CEP41: variants seen among roughly 807,000 people sequenced by gnomAD.
CEP41 encodes centrosomal protein 41.
In CEP41, 32 loss-of-function variants were observed where a neutral mutation model predicts 44.3. That is an observed-to-expected ratio of 0.72 (90% CI 0.54 to 0.97). The LOEUF is 0.97. Ranked by LOEUF, CEP41 falls within the 50% of genes least tolerant of loss-of-function variation. The pLI, the probability that CEP41 is intolerant of heterozygous loss-of-function variation, is 0.00. For missense variants in CEP41, 432 were observed against 455.2 expected (o/e 0.95, Z 0.46); for synonymous variants, 151 against 168.5 (o/e 0.90, Z 0.80).
rs545406161 is a variant in CEP41, at chr7:130,400,786, G to C, written c.678C>G (p.Asp226Glu). 6.2e-7 allele frequency: 1 copy of C among 1,612,854 alleles called. No individual in the cohort carries two copies. The highest frequency in any genetic ancestry group is 1.7e-4 in the Middle Eastern group (1 of 6,060). ...CCTGACTGGCCAGCCTTTCATCATC[G>C]TCATACAGAATGATGATCTTGCCAT... is the stretch of plus-strand genomic sequence containing the variant. The part of the protein sequence containing the change: ...NAHGKIIILY[D>E]DDERLASQAA... Residue 226 changes from aspartate (D) to glutamate (E), a missense_variant, in exon 9 of 11, where the codon GAC (aspartate) becomes GAG (glutamate). By Grantham distance (45) the Asp-to-Glu change is conservative. Coordinates refer to ENST00000223208, the MANE Select transcript of CEP41 (RefSeq NM_018718.3).
Position 130,398,879 on chromosome 7 carries a change from G to T in CEP41, c.*12C>A. 1 of 1,614,124 alleles carries T rather than the reference G, an allele frequency of 6.2e-7. No individual in the cohort carries two copies. Among genetic ancestry groups the T allele is most frequent in the Non-Finnish European group, 8.5e-7 (1 of 1,179,934 alleles). ...AGGAAGAACATTTATTTGCCTAAGT[G>T]AGACAAAGTCTTTACTTCCAGGGTT... On this transcript the variant is annotated 3_prime_UTR_variant, in exon 11 of 11. Transcript: ENST00000223208.
intron 8 of CEP41, 89 bp from the exon 9 acceptor site, chr7:130,400,910 C>A: frequency 1.2e-6 from 1 of 846,832 alleles, no homozygotes; most frequent in Non-Finnish European, 2.0e-6. Flanking sequence ...GTCAGGTCCA[C>A]CTGTCTGAGT....
intron 5 of CEP41, chr7:130,410,824 T>C (rs527709176): frequency 6.8e-6 from 3 of 443,688 alleles, no homozygotes; most frequent in Non-Finnish European, 1.2e-5. Context: ...AGTCTCATAG[T>C]ACTTAATGTG....
At chr7:130,438,200 C>A (rs1219667452) in intron 1 of CEP41, among the ~76,000 whole-genome samples, 4 of 152,150 alleles carry the variant, frequency 2.6e-5, no homozygotes, top group African/African-American at 9.7e-5. Flanking sequence ...TGATTTTGCC[C>A]CCGTAAATAT....
At chr7:130,426,333 ATTAATC>A (rs1584899158) in intron 2 of CEP41, among the ~76,000 whole-genome samples, 1 of 152,282 alleles carries the variant, frequency 6.6e-6, no homozygotes, top group East Asian at 1.9e-4. Context: ...AAAAAATGAA[ATTAATC>A]TTAGGCACCA....
chr7:130,406,577 C>A (rs1797016222), intron 5 of CEP41, among the ~76,000 whole-genome samples: 1 of 151,648 alleles, frequency 6.6e-6, no homozygotes, highest in Non-Finnish European at 1.5e-5. Flanking sequence ...GAGCAGGACT[C>A]CATCTCAAAA....
At chr7:130,424,714 G>A (rs1554422999) in intron 2 of CEP41, among the ~76,000 whole-genome samples, 1 of 151,624 alleles carries the variant, frequency 6.6e-6, no homozygotes, top group Non-Finnish European at 1.5e-5. Flanking sequence ...TTACCTCAAA[G>A]TTTATCATGA....
chr7:130,430,083 T>C (rs567692992), intron 1 of CEP41, among the ~76,000 whole-genome samples: 1 of 152,202 alleles, frequency 6.6e-6, no homozygotes, highest in Admixed American at 6.5e-5. Context: ...AAAATAAGGG[T>C]TTAAATGACC....
chr7:130,411,302 A>G, intron 4 of CEP41, 111 bp from the exon 5 acceptor site: 1 of 889,734 alleles, frequency 1.1e-6, no homozygotes, highest in African/African-American at 1.6e-5. Context: ...CTGTTGTTTT[A>G]AGAAGCTGTC....
At chr7:130,408,574 G>T (rs1797080634) in intron 5 of CEP41, among the ~76,000 whole-genome samples, 1 of 151,996 alleles carries the variant, frequency 6.6e-6, no homozygotes, top group South Asian at 2.1e-4. Context: ...TTACAGAAAT[G>T]ATAATTATTC....
At position 130,395,536 on chromosome 7, in the gene CEP41, T is replaced by C. The variant is rs956340061; in HGVS notation, c.*3355A>G. The stretch of plus-strand genomic sequence containing the variant: ...TTAAATCCAGGTGGACAGAAACTAA[T>C]TATTCGCTCTAAAAAAGTCAGATAA... On this transcript the variant is annotated 3_prime_UTR_variant, in exon 11 of 11. Transcript: ENST00000223208. 5 of 453,976 alleles carry C rather than the reference T, an allele frequency of 1.1e-5. No individual in the cohort carries two copies. Among genetic ancestry groups the C allele is most frequent in the African/African-American group, 1.0e-4 (5 of 50,014 alleles). 28.1% of individuals were successfully genotyped at this position (453,976 alleles called of 1,614,324 possible). A position where few individuals can be genotyped will look rare whatever the true frequency, so the allele number is the denominator to read the frequency against.
chr7:130,412,589 C>G (rs1403332814), intron 3 of CEP41, among the ~76,000 whole-genome samples: 3 of 152,296 alleles, frequency 2.0e-5, no homozygotes, highest in Non-Finnish European at 2.9e-5. Flanking sequence ...GCCTCAAATC[C>G]TTTTCAGAGT....
chr7:130,441,012 C>T lies in CEP41; in HGVS notation c.-46G>A. The T allele has an allele frequency of 6.2e-7, 1 of 1,602,272 alleles. No homozygotes were observed. Among genetic ancestry groups the T allele is most frequent in the East Asian group, 2.2e-5 (1 of 44,822 alleles). On this transcript the variant is annotated 5_prime_UTR_variant, in exon 1 of 11. Transcript: ENST00000223208. ...TTCGGGGTTCTAGCCTCACGGGTTG[C>T]CTCTAACCCTAGCTTCCTACCCCCA...
At chr7:130,441,137 C>T (rs565644583), upstream of CEP41, 105 of 749,452 alleles carry the variant, frequency 1.4e-4, no homozygotes, top group African/African-American at 1.4e-3. Context: ...CTCAGGGTCG[C>T]AGAAGGGCAA....
At chr7:130,438,074 C>T (rs1365381441) in intron 1 of CEP41, among the ~76,000 whole-genome samples, 1 of 152,192 alleles carries the variant, frequency 6.6e-6, no homozygotes, top group Non-Finnish European at 1.5e-5. Flanking sequence ...AACTATTCCT[C>T]CTTTTCGTTC....
In CEP41 at chr7:130,394,081, G is replaced by A. The variant is rs1219697323; in HGVS notation, c.*4810C>T. The A allele has an allele frequency of 8.8e-6, 4 of 453,998 alleles. No individual in the cohort carries two copies. The highest frequency in any genetic ancestry group is 6.0e-5 in the African/African-American group (3 of 50,018). 28.1% of individuals were successfully genotyped at this position (453,998 alleles called of 1,614,324 possible). Reference sequence around the variant, plus strand: ...TCAAAAGAATCTCGGCTGACTAGGAGGGAAGGGAAGCCAATAGCGAAGGGA... The same window carrying A: ...TCAAAAGAATCTCGGCTGACTAGGAAGGAAGGGAAGCCAATAGCGAAGGGA... On this transcript the variant is annotated 3_prime_UTR_variant, in exon 11 of 11. Transcript: ENST00000223208.
rs530058385 is a variant in CEP41 at position 130,401,995 on chromosome 7, C to T, written c.575-47G>A. On this transcript the variant is annotated intron_variant, in intron 7 of 10. Coordinates refer to ENST00000223208, the MANE Select transcript of CEP41 (RefSeq NM_018718.3). The stretch of plus-strand genomic sequence containing the variant: ...TAGGAAGTCTGTTGTTCTCTTAATA[C>T]AACTTGGCCTCAATTCCCAGCTGGT... 55 of 1,330,846 alleles carry T rather than the reference C, an allele frequency of 4.1e-5. No individual in the cohort carries two copies. The South Asian group carries it at 6.1e-4, about 15-fold the overall frequency. The allele number at this position is 1,330,846 out of a possible 1,614,324, so 82.4% of individuals were successfully genotyped here.
At chr7:130,427,836 C>T (rs1274051985) in intron 2 of CEP41, 119 bp downstream of exon 2, 2 of 687,748 alleles carry the variant, frequency 2.9e-6, no homozygotes, top group Non-Finnish European at 5.2e-6. Context: ...CCGAGAAAGA[C>T]ATCAGGCAAA....
intron 1 of CEP41, among the ~76,000 whole-genome samples, chr7:130,437,783 A>AAG (rs1798017155): frequency 1.5e-5 from 2 of 135,690 alleles, no homozygotes; most frequent in Non-Finnish European, 3.1e-5. Context: ...AAAAAAAAAA[A>AAG]AAAAAGAAAA....
Sources: gnomAD v4.1 joint callset for allele counts (sites outside exome capture counted in the v4.1 genomes callset) on GRCh38, gnomAD v4.1.1 for gene constraint, MANE v1.5 for transcripts, NCBI Gene and HGNC (gene_info 2026-07-23, HGNC 2026-07-21) for gene names.